The following ZNF429 variants were observed in gnomAD, a reference collection of about 807,000 sequenced individuals.
The protein encoded by ZNF429 is zinc finger protein 429.
ZNF429 carries 53 observed loss-of-function variants against 56.8 expected under a neutral mutation model. The observed-to-expected ratio is 0.93, with a 90% confidence interval of 0.75 to 1.17. The LOEUF is 1.17. ZNF429 is among the 50% of genes most tolerant of loss of function. The probability of loss-of-function intolerance (pLI) is 0.00; values close to 1 mark genes in which losing one functional copy is unlikely to be tolerated. For synonymous variants in ZNF429, 278 were observed against 264.7 expected, an observed-to-expected ratio of 1.05 and a Z score of -0.49; for missense variants, 849 against 788.4, an observed-to-expected ratio of 1.08 and a Z score of -0.92.
Position 21,537,023 on chromosome 19 carries a change from C to A in ZNF429, c.970C>A (p.Arg324=), listed in dbSNP as rs183440160. 6.2e-7 allele frequency: 1 copy of A among 1,612,760 alleles called. No homozygotes were observed. ...KCKECGKAFN[R]SSTLTSHKRI... ...TAAAGAATGTGGCAAAGCCTTTAAC[C>A]GGTCCTCAACCCTTACTAGCCATAA... The change falls in exon 4 of 4, where the codon CGG becomes AGG. Residue 324 remains arginine (R), a synonymous_variant. Transcript: ENST00000358491.
intron 1 of ZNF429, among the ~76,000 whole-genome samples, chr19:21,514,507 A>C (rs1307463127): frequency 6.6e-6 from 1 of 151,170 alleles, no homozygotes; most frequent in African/African-American, 2.4e-5. Flanking sequence ...AAAGGACATG[A>C]TCTTGTTCTT....
intron 1 of ZNF429, among the ~76,000 whole-genome samples, chr19:21,507,223 C>T (rs1016861998): frequency 6.6e-6 from 1 of 152,166 alleles, no homozygotes; most frequent in Non-Finnish European, 1.5e-5. Context: ...TCCCACGCCC[C>T]CCATTCCTCC....
chr19:21,535,632 A>C, intron 3 of ZNF429, among the ~76,000 whole-genome samples: 2 of 151,196 alleles, frequency 1.3e-5, no homozygotes, highest in Non-Finnish European at 2.9e-5. Flanking sequence ...CTCCTGCCTC[A>C]GCCTTCTGAG....
chr19:21,529,593 T>TG, intron 1 of ZNF429, 65 bp from the exon 2 acceptor site: 1 of 1,353,740 alleles, frequency 7.4e-7, no homozygotes, highest in Non-Finnish European at 9.6e-7. Context: ...ATTCTACCCA[T>TG]GGGCACTTGG....
In ZNF429 at chr19:21,505,642, A is replaced by C; in HGVS notation, c.-130A>C. Reference sequence around the variant, plus strand: ...TGGCGGGGCGTTTGGCTCTTGCTGCAGCCAGAGCTCCAGGTCTCGTCTTCA... The same window carrying C: ...TGGCGGGGCGTTTGGCTCTTGCTGCCGCCAGAGCTCCAGGTCTCGTCTTCA... On this transcript the variant is annotated 5_prime_UTR_variant, in exon 1 of 4. Coordinates refer to ENST00000358491, the MANE Select transcript of ZNF429 (RefSeq NM_001001415.4). 1.0e-6 allele frequency: 1 copy of C among 959,912 alleles called. No homozygotes were observed. The allele number at this position is 959,912 out of a possible 1,614,324, so 59.5% of individuals were successfully genotyped here.
intron 1 of ZNF429, among the ~76,000 whole-genome samples, chr19:21,524,569 C>T (rs1462022211): frequency 2.0e-5 from 3 of 151,870 alleles, no homozygotes; most frequent in Non-Finnish European, 4.4e-5. Context: ...GTATTCTTGT[C>T]CTTCCTCTTA....
At chr19:21,534,928 G>C in intron 3 of ZNF429, among the ~76,000 whole-genome samples, 52 of 150,700 alleles carry the variant, frequency 3.5e-4, no homozygotes, top group Non-Finnish European at 7.1e-4. Flanking sequence ...TCCTGCCTCA[G>C]CCTCCCGAGT....
intron 1 of ZNF429, among the ~76,000 whole-genome samples, chr19:21,516,409 T>A (rs1265623541): frequency 6.6e-6 from 1 of 152,194 alleles, no homozygotes; most frequent in East Asian, 1.9e-4. Flanking sequence ...TTGCTTAGGA[T>A]TGCATTGGCT....
At position 21,511,326 on chromosome 19, in the gene ZNF429, G is replaced by A. The variant is rs184125080; in HGVS notation, c.3+5552G>A. On this transcript the variant is annotated intron_variant, in intron 1 of 3. Transcript: ENST00000358491. ...ACGCTCCTCACTGCCCAGATGGGAC[G>A]GCTGCCAGGCGGAGGGTCTCCTCAC... Among the ~76,000 whole-genome samples, 1,154 of 151,798 alleles carry A rather than the reference G, an allele frequency of 7.6e-3. 40 individuals carry two copies. Among genetic ancestry groups the A allele is most frequent in the Admixed American group, 0.065 (989 of 15,258 alleles).
rs1464162780 is a variant in ZNF429 at position 21,538,299 on chromosome 19, AG to A, written c.*222del. 2.0e-4 allele frequency among the ~76,000 whole-genome samples: 27 copies of A among 134,008 alleles called. No individual in the cohort carries two copies. The highest frequency in any genetic ancestry group is 7.9e-4 in the African/African-American group (26 of 32,888). 87.9% of individuals were successfully genotyped at this position (134,008 alleles called of 152,430 possible). A position where few individuals can be genotyped will look rare whatever the true frequency, so the allele number is the denominator to read the frequency against. ...TCTCAAAAAAAAAAAAAAAAAAAAAAGAAAAGAAAATTCATAGGCCAGGTAT... is the reference window on the plus strand; with the variant it reads ...TCTCAAAAAAAAAAAAAAAAAAAAAAAAAAGAAAATTCATAGGCCAGGTAT... On this transcript the variant is annotated 3_prime_UTR_variant, in exon 4 of 4. Coordinates refer to ENST00000358491, the MANE Select transcript of ZNF429 (RefSeq NM_001001415.4).
At chr19:21,520,102 A>T (rs970223202) in intron 1 of ZNF429, among the ~76,000 whole-genome samples, 1 of 152,010 alleles carries the variant, frequency 6.6e-6, no homozygotes, top group Non-Finnish European at 1.5e-5. Flanking sequence ...CAGGCAGTCC[A>T]CCTGCCTCAG....
At chr19:21,511,995 C>T (rs2032504770) in intron 1 of ZNF429, among the ~76,000 whole-genome samples, 1 of 152,110 alleles carries the variant, frequency 6.6e-6, no homozygotes, top group South Asian at 2.1e-4. Flanking sequence ...GAGAATCAGG[C>T]AGGGAGGTTG....
chr19:21,536,223 C>T, intron 3 of ZNF429, 57 bp from the exon 4 acceptor site: 23 of 1,476,542 alleles, frequency 1.6e-5, no homozygotes, highest in East Asian at 9.1e-5. Flanking sequence ...TTGTTTGTGA[C>T]GTATATATAT....
intron 1 of ZNF429, 178 bp from the exon 2 acceptor site, chr19:21,529,480 A>G (rs2033292380): frequency 1.1e-6 from 1 of 944,230 alleles, no homozygotes; most frequent in Non-Finnish European, 1.3e-6. Flanking sequence ...TATATTAGAG[A>G]ACATTTCTGT....
chr19:21,509,349 A>G (rs1231385283), intron 1 of ZNF429, among the ~76,000 whole-genome samples: 1 of 152,184 alleles, frequency 6.6e-6, no homozygotes, highest in East Asian at 1.9e-4. Flanking sequence ...TTATAAAGGA[A>G]TAGATACTTT....
chr19:21,518,980 G>T (rs969288231), intron 1 of ZNF429: 3 of 152,218 alleles, frequency 2.0e-5, no homozygotes, highest in African/African-American at 7.2e-5. Context: ...TAGAGTATGT[G>T]ACACATGGTG....
chr19:21,526,552 A>G (rs1189233686), intron 1 of ZNF429, among the ~76,000 whole-genome samples: 1 of 152,196 alleles, frequency 6.6e-6, no homozygotes, highest in African/African-American at 2.4e-5. Flanking sequence ...TCAAACTCAG[A>G]GAGACATTAA....
chr19:21,510,098 G>A (rs935462314), intron 1 of ZNF429, among the ~76,000 whole-genome samples: 80 of 152,094 alleles, frequency 5.3e-4, no homozygotes, highest in African/African-American at 1.7e-3. Context: ...TAGTAGAGGC[G>A]GGGTTTCACC....
intron 1 of ZNF429, chr19:21,518,960 T>C (rs2032884928): frequency 6.6e-6 from 1 of 152,238 alleles, no homozygotes; most frequent in African/African-American, 2.4e-5. Context: ...TCTGATTGCG[T>C]GGTCAATTTT....
Sources: gnomAD v4.1 joint callset for allele counts (sites outside exome capture counted in the v4.1 genomes callset) on GRCh38, gnomAD v4.1.1 for gene constraint, MANE v1.5 for transcripts, NCBI Gene and HGNC (gene_info 2026-07-23, HGNC 2026-07-21) for gene names.